The following DAB1 variants were observed in gnomAD, a reference collection of about 807,000 sequenced individuals.
The protein encoded by DAB1 is DAB adaptor protein 1, also known as disabled homolog 1.
A neutral mutation model predicts 64.6 loss-of-function variants in DAB1; 15 were observed. The ratio of observed to expected loss-of-function variants is 0.23; its 90% CI spans 0.16 to 0.36. The LOEUF is 0.36. DAB1 is among the 10% of genes least tolerant of loss of function. The pLI is 1.00. For missense variants in DAB1, 596 were observed against 706.7 expected (o/e 0.84, Z 1.78); for synonymous variants, 235 against 251.9 (o/e 0.93, Z 0.64).
intron 1 of DAB1, among the ~76,000 whole-genome samples, chr1:57,306,177 A>G (rs927479328): frequency 1.3e-5 from 2 of 152,086 alleles, no homozygotes; most frequent in African/African-American, 2.4e-5. Context: ...TCCCACTCCT[A>G]TGGTAAATCC....
At chr1:57,651,198 A>G (rs1036064739) in intron 6 of DAB1, among the ~76,000 whole-genome samples, 1 of 152,192 alleles carries the variant, frequency 6.6e-6, no homozygotes, top group Non-Finnish European at 1.5e-5. Flanking sequence ...ACACACACAC[A>G]AAGTCAATAT....
chr1:57,255,418 T>C (rs1669687988), intron 2 of DAB1, among the ~76,000 whole-genome samples: 1 of 152,022 alleles, frequency 6.6e-6, no homozygotes, highest in Non-Finnish European at 1.5e-5. Context: ...TGCCAACAAT[T>C]TGGGAGGCTG....
At chr1:57,342,256 G>A (rs368928344) in intron 1 of DAB1, among the ~76,000 whole-genome samples, 73 of 152,188 alleles carry the variant, frequency 4.8e-4, no homozygotes, top group African/African-American at 1.8e-3. Context: ...TTTCTCCACA[G>A]GATCTTCTAT....
At chr1:57,037,183 A>C (rs1647195457) in intron 9 of DAB1, among the ~76,000 whole-genome samples, 1 of 152,220 alleles carries the variant, frequency 6.6e-6, no homozygotes, top group African/African-American at 2.4e-5. Flanking sequence ...GCAAATCACC[A>C]TGCTGGGGAA....
intron 5 of DAB1, among the ~76,000 whole-genome samples, chr1:57,960,535 A>T (rs1645494628): frequency 6.6e-6 from 1 of 151,960 alleles, no homozygotes; most frequent in African/African-American, 2.4e-5. Context: ...TTAAATATTT[A>T]AAAAATAGTT....
intron 1 of DAB1, chr1:58,539,125 T>C: frequency 1.1e-6 from 1 of 872,998 alleles, no homozygotes; most frequent in Non-Finnish European, 2.0e-6. Context: ...CCTGTCACAC[T>C]GATTTACTCC....
chr1:57,702,725 G>A (rs879608763), intron 6 of DAB1, among the ~76,000 whole-genome samples: 8 of 152,034 alleles, frequency 5.3e-5, no homozygotes, highest in Non-Finnish European at 1.0e-4. Flanking sequence ...TAGAAGTCAG[G>A]CAAATTCTTA....
chr1:57,332,890 C>G (rs993352608), intron 1 of DAB1, among the ~76,000 whole-genome samples: 4 of 152,324 alleles, frequency 2.6e-5, no homozygotes, highest in South Asian at 2.1e-4. Context: ...AGCCACATGG[C>G]CTTCCTTTCT....
intron 3 of DAB1, among the ~76,000 whole-genome samples, chr1:58,473,357 A>C (rs1289338031): frequency 6.6e-6 from 1 of 151,520 alleles, no homozygotes; most frequent in Non-Finnish European, 1.5e-5. Context: ...CCTGGCTAAC[A>C]AGGTGAAACC....
chr1:57,604,068 C>T (rs776947300), intron 7 of DAB1, among the ~76,000 whole-genome samples: 1 of 152,204 alleles, frequency 6.6e-6, no homozygotes, highest in Admixed American at 6.5e-5. Context: ...AGAAGCCATG[C>T]GCTGCTGCTT....
intron 1 of DAB1, among the ~76,000 whole-genome samples, chr1:57,413,947 G>T (rs1684308204): frequency 6.6e-6 from 1 of 152,102 alleles, no homozygotes; most frequent in South Asian, 2.1e-4. Context: ...ATTAGAAGTG[G>T]AGCCTGAAAA....
intron 5 of DAB1, among the ~76,000 whole-genome samples, chr1:58,144,158 C>A (rs1251266104): frequency 6.6e-6 from 1 of 152,180 alleles, no homozygotes; most frequent in South Asian, 2.1e-4. Context: ...AATTACACAG[C>A]TTTTTGGCTG....
intron 5 of DAB1, among the ~76,000 whole-genome samples, chr1:57,991,449 CTG>C: frequency 6.6e-6 from 1 of 152,128 alleles, no homozygotes; most frequent in Non-Finnish European, 1.5e-5. Flanking sequence ...GAGTCACCTC[CTG>C]GGCAAGCTGG....
At chr1:57,994,340 G>A (rs929433213) in intron 5 of DAB1, among the ~76,000 whole-genome samples, 1 of 152,204 alleles carries the variant, frequency 6.6e-6, no homozygotes, top group Non-Finnish European at 1.5e-5. Flanking sequence ...TTGAAGGAAG[G>A]AGGAGGACAA....
chr1:58,174,973 T>G (rs978333968), intron 4 of DAB1, among the ~76,000 whole-genome samples: 1 of 152,168 alleles, frequency 6.6e-6, no homozygotes, highest in Non-Finnish European at 1.5e-5. Context: ...CAATCAGCAC[T>G]CTGTAAAATG....
chr1:58,116,262 C>T (rs1652329254), intron 5 of DAB1, among the ~76,000 whole-genome samples: 1 of 152,164 alleles, frequency 6.6e-6, no homozygotes. Context: ...TAGAAAGAGG[C>T]TATGTTCCTG....
At chr1:57,713,438 G>A (rs1346863966) in intron 6 of DAB1, among the ~76,000 whole-genome samples, 1 of 152,210 alleles carries the variant, frequency 6.6e-6, no homozygotes, top group East Asian at 1.9e-4. Flanking sequence ...TTTTAACTCT[G>A]TGCAGCTTGG....
chr1:57,242,476 G>T (rs994662211), intron 2 of DAB1, among the ~76,000 whole-genome samples: 2 of 152,138 alleles, frequency 1.3e-5, no homozygotes, highest in East Asian at 1.9e-4. Context: ...ATCATAACAC[G>T]TGGTCGATTA....
Position 58,213,460 on chromosome 1 carries a change from G to A in DAB1, n.310-62872C>T, listed in dbSNP as rs550672769. ...CAGGAAACCTACAATCACAGTGGAA[G>A]GCAGGCACATCCTTCTTCATATGGT... is the stretch of plus-strand genomic sequence containing the variant. On this transcript the variant is annotated intron_variant and non_coding_transcript_variant, in intron 4 of 20. Coordinates refer to the DAB1 transcript ENST00000485760. Among the ~76,000 whole-genome samples, 4 of 152,274 alleles carry A rather than the reference G, an allele frequency of 2.6e-5. 1 individual carries two copies. Among genetic ancestry groups the A allele is most frequent in the African/African-American group, 9.6e-5 (4 of 41,558 alleles).
Sources: gnomAD v4.1 joint callset for allele counts (sites outside exome capture counted in the v4.1 genomes callset) on GRCh38, gnomAD v4.1.1 for gene constraint, MANE v1.5 for transcripts, NCBI Gene and HGNC (gene_info 2026-07-23, HGNC 2026-07-21) for gene names.